Variants in ACYP2 observed in about 807,000 individuals in gnomAD.
The protein encoded by ACYP2 is acylphosphatase 2.
In ACYP2, 12 loss-of-function variants were observed where a neutral mutation model predicts 11.2. That is an observed-to-expected ratio of 1.08 (90% CI 0.69 to 1.74). The LOEUF (loss-of-function observed/expected upper bound fraction) is 1.74. Ranked by LOEUF, ACYP2 falls within the 40% of genes most tolerant of loss-of-function variation. The pLI is 0.00. For synonymous variants in ACYP2, 43 were observed against 32.2 expected (o/e 1.33, Z -1.13); for missense variants, 134 against 101.9 (o/e 1.31, Z -1.35).
chr2:54,001,480 G>A (rs1573488158), intron 2 of ACYP2, among the ~76,000 whole-genome samples: 4 of 152,042 alleles, frequency 2.6e-5, no homozygotes, highest in South Asian at 2.1e-4. Flanking sequence ...TGCAACCTCC[G>A]CCTTCTGAGT....
chr2:54,273,848 G>A (rs879325330), intron 6 of ACYP2, among the ~76,000 whole-genome samples: 6 of 152,098 alleles, frequency 3.9e-5, no homozygotes, highest in East Asian at 1.9e-4. Context: ...AGCCAAAGCC[G>A]GGAGAGAGGG....
intron 6 of ACYP2, among the ~76,000 whole-genome samples, chr2:54,183,067 TAAGTC>T (rs376822063): frequency 1.5e-3 from 232 of 152,352 alleles, no homozygotes; most frequent in African/African-American, 5.3e-3. Flanking sequence ...TCTTGAGTTT[TAAGTC>T]AAGTTAATAA....
At chr2:54,178,570 A>T (rs1006034675) in intron 6 of ACYP2, among the ~76,000 whole-genome samples, 4 of 152,224 alleles carry the variant, frequency 2.6e-5, no homozygotes, top group Admixed American at 6.5e-5. Flanking sequence ...TGTAAACAGT[A>T]CTTTTACTTG....
intron 4 of ACYP2, among the ~76,000 whole-genome samples, chr2:54,099,033 G>A (rs1419450636): frequency 1.3e-5 from 2 of 152,148 alleles, no homozygotes; most frequent in Non-Finnish European, 2.9e-5. Context: ...CCAGCTGATT[G>A]CAGACAATAT....
chr2:54,264,382 C>T (rs1687922114), intron 6 of ACYP2, among the ~76,000 whole-genome samples: 1 of 152,204 alleles, frequency 6.6e-6, no homozygotes, highest in Non-Finnish European at 1.5e-5. Context: ...GCCCCGCCCA[C>T]ATCCTGCTGA....
intron 6 of ACYP2, chr2:54,254,674 A>C (rs1687402810): frequency 2.0e-6 from 1 of 501,902 alleles, no homozygotes; most frequent in Admixed American, 3.5e-5. Flanking sequence ...TTCGCTTAGA[A>C]GGATGTGACC....
At chr2:54,250,923 G>GA (rs1419121128) in intron 6 of ACYP2, among the ~76,000 whole-genome samples, 58 of 152,286 alleles carry the variant, frequency 3.8e-4, no homozygotes, top group Non-Finnish European at 4.6e-4. Context: ...ATACCTCAAA[G>GA]AGGGAGGCCT....
At chr2:54,064,755 A>G (rs1215780600) in intron 4 of ACYP2, among the ~76,000 whole-genome samples, 1 of 152,200 alleles carries the variant, frequency 6.6e-6, no homozygotes, top group Non-Finnish European at 1.5e-5. Context: ...TGCATTTGGA[A>G]GAGCTCTTTC....
At chr2:54,243,767 GT>G (rs1686831582) in intron 6 of ACYP2, among the ~76,000 whole-genome samples, 1 of 152,096 alleles carries the variant, frequency 6.6e-6, no homozygotes, top group African/African-American at 2.4e-5. Flanking sequence ...TAGAGATGGG[GT>G]TTTACCATGT....
At position 54,266,590 on chromosome 2, in the gene ACYP2, C is replaced by CTTTTTTTTTTTT. The variant is rs138812389; in HGVS notation, c.405-38076_405-38065dup. The stretch of plus-strand genomic sequence containing the variant: ...TAGATAGATATAGATATCTATCTAT[C>CTTTTTTTTTTTT]TTTTTTTTTTTTTTTTTTTTTTTTT... On this transcript the variant is annotated intron_variant, in intron 6 of 6. Transcript: ENST00000607452. Among the ~76,000 whole-genome samples, 85 of 52,268 alleles carry CTTTTTTTTTTTT rather than the reference C, an allele frequency of 1.6e-3. 13 individuals carry two copies. The highest frequency in any genetic ancestry group is 2.1e-3 in the Non-Finnish European group (64 of 29,940). 34.3% of individuals were successfully genotyped at this position (52,268 alleles called of 152,430 possible). A position where few individuals can be genotyped will look rare whatever the true frequency, so the allele number is the denominator to read the frequency against.
intron 2 of ACYP2, among the ~76,000 whole-genome samples, chr2:53,983,505 CA>C (rs1317433783): frequency 6.6e-6 from 1 of 151,578 alleles, no homozygotes; most frequent in South Asian, 2.1e-4. Flanking sequence ...GACCCTGTCT[CA>C]AAAAAGAAAA....
At chr2:54,151,239 G>C (rs952190182) in intron 6 of ACYP2, among the ~76,000 whole-genome samples, 6 of 152,070 alleles carry the variant, frequency 3.9e-5, no homozygotes, top group African/African-American at 1.4e-4. Flanking sequence ...ATTTTTTTGA[G>C]TTTCCAGTTG....
At chr2:54,201,656 T>TTGTTTCTTTTTCTTTCTTTC (rs1558608956) in intron 6 of ACYP2, among the ~76,000 whole-genome samples, 1 of 102,548 alleles carries the variant, frequency 9.8e-6, no homozygotes, top group Non-Finnish European at 2.1e-5. Flanking sequence ...CTTTCTTTCT[T>TTGTTTCTTTTTCTTTCTTTC]TCTTTCTTTC....
intron 6 of ACYP2, among the ~76,000 whole-genome samples, chr2:54,183,306 T>A (rs994662424): frequency 1.3e-5 from 2 of 152,170 alleles, no homozygotes; most frequent in African/African-American, 4.8e-5. Context: ...AGATAATGAG[T>A]TGTAATTTAT....
chr2:54,037,269 T>G (rs897927859), intron 2 of ACYP2, among the ~76,000 whole-genome samples: 1 of 152,042 alleles, frequency 6.6e-6, no homozygotes, highest in African/African-American at 2.4e-5. Flanking sequence ...CCCACCACCA[T>G]GCCTGTCTAA....
chr2:53,987,169 A>G (rs1672075921), intron 2 of ACYP2, among the ~76,000 whole-genome samples: 1 of 152,190 alleles, frequency 6.6e-6, no homozygotes, highest in Admixed American at 6.5e-5. Context: ...AAGTGGTCAC[A>G]CCTGAGGGTA....
chr2:54,103,116 G>A (rs1222146940), intron 4 of ACYP2, among the ~76,000 whole-genome samples: 1 of 151,928 alleles, frequency 6.6e-6, no homozygotes, highest in Admixed American at 6.6e-5. Flanking sequence ...GTTTGTAAAA[G>A]ACAAAAAAAG....
At chr2:54,140,680 G>T (rs1259522357) in intron 6 of ACYP2, among the ~76,000 whole-genome samples, 1 of 151,856 alleles carries the variant, frequency 6.6e-6, no homozygotes, top group Non-Finnish European at 1.5e-5. Flanking sequence ...CAAGTCGAAT[G>T]GTAATCTCTA....
intron 2 of ACYP2, among the ~76,000 whole-genome samples, chr2:53,974,907 A>C (rs1371850558): frequency 7.1e-6 from 1 of 141,070 alleles, no homozygotes; most frequent in Admixed American, 6.8e-5. Flanking sequence ...CTAATAGGGA[A>C]GGAGAAGAGA....
Sources: allele counts gnomAD v4.1 joint callset (sites outside exome capture counted in the v4.1 genomes callset), GRCh38; gene constraint gnomAD v4.1.1; transcripts MANE v1.5; gene names NCBI Gene and HGNC (gene_info 2026-07-23, HGNC 2026-07-21).